Variants in PCDHA8 observed in about 807,000 individuals in gnomAD.
PCDHA8 encodes protocadherin alpha 8.
Under a neutral mutation model 61.8 loss-of-function variants are expected in PCDHA8, and 53 were observed. The observed-to-expected ratio is 0.86, with a 90% CI of 0.69 to 1.08. The LOEUF is 1.08. PCDHA8 is among the 50% of genes least tolerant of loss of function. The probability of loss-of-function intolerance (pLI) is 0.00; values close to 1 mark genes in which losing one functional copy is unlikely to be tolerated. For missense variants in PCDHA8, 1,293 were observed against 1,245.0 expected, an observed-to-expected ratio of 1.04 and a Z score of -0.58; for synonymous variants, 618 against 556.6, an observed-to-expected ratio of 1.11 and a Z score of -1.55.
intron 1 of PCDHA8, chr5:140,966,397 G>C (rs782390663): frequency 4.5e-5 from 18 of 404,120 alleles, no homozygotes; most frequent in Admixed American, 2.2e-4. Flanking sequence ...CCGCCACTTC[G>C]GCGCGGAATC....
chr5:140,944,191 G>C (rs181232402), intron 1 of PCDHA8, among the ~76,000 whole-genome samples: 1 of 151,980 alleles, frequency 6.6e-6, no homozygotes, highest in East Asian at 1.9e-4. Context: ...GGTTTGTTTT[G>C]TTTTGTTTTG....
At chr5:140,918,510 A>G (rs1224635164) in intron 1 of PCDHA8, among the ~76,000 whole-genome samples, 1 of 152,144 alleles carries the variant, frequency 6.6e-6, no homozygotes, top group Non-Finnish European at 1.5e-5. Flanking sequence ...ATCCTTTTAA[A>G]CTTATTGAGG....
At chr5:140,883,773 G>C (rs1362933627) in intron 1 of PCDHA8, 11 of 1,612,372 alleles carry the variant, frequency 6.8e-6, no homozygotes, top group Non-Finnish European at 9.3e-6. Context: ...GTGGGCGAGC[G>C]TGCGCTGTCG....
rs1032326497 is a variant in PCDHA8, at chr5:140,858,875, C to A, written c.2394+15160C>A. ...TATCTCTTCAGTGAAAATGTGTTTT[C>A]CTCCATGTGTAGAATATGTGTAGCG... On this transcript the variant is annotated intron_variant, in intron 1 of 3. Transcript: ENST00000531613. 1.2e-5 allele frequency: 3 copies of A among 246,542 alleles called. No homozygotes were observed. The East Asian group carries it at 3.3e-4, about 27-fold the overall frequency. 15.3% of individuals were successfully genotyped at this position (246,542 alleles called of 1,614,324 possible).
intron 1 of PCDHA8, among the ~76,000 whole-genome samples, chr5:140,948,548 A>G (rs1300192349): frequency 6.6e-6 from 1 of 151,532 alleles, no homozygotes; most frequent in Non-Finnish European, 1.5e-5. Flanking sequence ...TGCTCTGTCA[A>G]TTTTGTTAAG....
intron 1 of PCDHA8, chr5:140,870,171 C>T: frequency 6.2e-7 from 1 of 1,614,140 alleles, no homozygotes; most frequent in East Asian, 2.2e-5. Context: ...CCTTGTCCCT[C>T]CCAGTACGAG....
At chr5:140,876,343 T>A (rs1196276310) in intron 1 of PCDHA8, 2 of 1,613,854 alleles carry the variant, frequency 1.2e-6, no homozygotes, top group African/African-American at 2.7e-5. Flanking sequence ...GAGTGAGAAA[T>A]GTATGTTTTC....
At chr5:140,898,233 C>T (rs2066607638) in intron 1 of PCDHA8, among the ~76,000 whole-genome samples, 1 of 152,126 alleles carries the variant, frequency 6.6e-6, no homozygotes, top group African/African-American at 2.4e-5. Flanking sequence ...GTTGCCATTG[C>T]TTTTGGTGTT....
At chr5:140,909,472 G>A (rs2074524054) in intron 1 of PCDHA8, among the ~76,000 whole-genome samples, 1 of 152,168 alleles carries the variant, frequency 6.6e-6, no homozygotes, top group South Asian at 2.1e-4. Context: ...CTTCTTCACA[G>A]GCTAAATAGG....
chr5:140,864,844 C>T (rs894176807), intron 1 of PCDHA8: 3 of 152,100 alleles, frequency 2.0e-5, no homozygotes, highest in Admixed American at 2.0e-4. Context: ...AGAGAGTCTT[C>T]CCATACATGA....
At chr5:140,884,688 C>T in intron 1 of PCDHA8, 1 of 1,535,868 alleles carries the variant, frequency 6.5e-7, no homozygotes, top group Non-Finnish European at 8.8e-7. Context: ...AAAAAATTGT[C>T]TTAGTAAACA....
intron 1 of PCDHA8, chr5:140,859,682 A>G (rs2045965984): frequency 6.5e-6 from 1 of 154,852 alleles, no homozygotes; most frequent in Admixed American, 6.4e-5. Context: ...AAATAAAATT[A>G]AAATTATTGT....
chr5:140,995,529 C>G (rs1191657600), intron 3 of PCDHA8, among the ~76,000 whole-genome samples: 1 of 152,078 alleles, frequency 6.6e-6, no homozygotes, highest in East Asian at 1.9e-4. Flanking sequence ...GAAATCAAAC[C>G]TCAAATAAGG....
At chr5:140,902,176 C>T (rs1488205989) in intron 1 of PCDHA8, among the ~76,000 whole-genome samples, 1 of 146,420 alleles carries the variant, frequency 6.8e-6, no homozygotes, top group Non-Finnish European at 1.5e-5. Context: ...TTTGGATGTC[C>T]TTTATGTCTT....
In PCDHA8 at chr5:141,010,220, C is replaced by T. The variant is rs114341618; in HGVS notation, c.*283C>T. ...CTCCTCCGCCGCAAAGGAGAGGCTT[C>T]CCAGCCCCGCCAGTGAGAGGTTGGA... On this transcript the variant is annotated 3_prime_UTR_variant, in exon 4 of 4. Coordinates refer to ENST00000531613, the MANE Select transcript of PCDHA8 (RefSeq NM_018911.3). 2,711 of 1,551,728 alleles carry T rather than the reference C, an allele frequency of 1.7e-3. 46 individuals are homozygous for T. The African/African-American group carries it at 0.034, about 19-fold the overall frequency.
In PCDHA8 at chr5:141,012,118, T is replaced by C. The variant is rs2098422988; in HGVS notation, c.*2181T>C. 6.5e-6 allele frequency: 1 copy of C among 153,768 alleles called. No individual in the cohort carries two copies. The highest frequency in any genetic ancestry group is 2.4e-5 in the African/African-American group (1 of 41,458). The allele number at this position is 153,768 out of a possible 1,614,324, so 9.5% of individuals were successfully genotyped here. A position where few individuals can be genotyped will look rare whatever the true frequency, so the allele number is the denominator to read the frequency against. On this transcript the variant is annotated 3_prime_UTR_variant, in exon 4 of 4. Coordinates refer to ENST00000531613, the MANE Select transcript of PCDHA8 (RefSeq NM_018911.3). ...TCATTTTGCCCCACTGAAGCCCATG[T>C]ATCTGACCTTACGTGCCTTTTGAAC...
At chr5:140,850,216 A>G (rs1390676090) in intron 1 of PCDHA8, 5 of 1,593,446 alleles carry the variant, frequency 3.1e-6, no homozygotes, top group Non-Finnish European at 4.3e-6. Flanking sequence ...AGGGGCACTG[A>G]CGGCGCAGTG....
chr5:140,924,714 G>C (rs2081964744), intron 1 of PCDHA8, among the ~76,000 whole-genome samples: 1 of 151,860 alleles, frequency 6.6e-6, no homozygotes, highest in African/African-American at 2.4e-5. Context: ...GTGCAACATG[G>C]CGAAACCTCA....
At chr5:141,001,957 G>A in intron 3 of PCDHA8, among the ~76,000 whole-genome samples, 1 of 152,294 alleles carries the variant, frequency 6.6e-6, no homozygotes, top group African/African-American at 2.4e-5. Flanking sequence ...AGGAGGGAGA[G>A]GCGGGGTGTC....
Sources: gnomAD v4.1 joint callset for allele counts (sites outside exome capture counted in the v4.1 genomes callset) on GRCh38, gnomAD v4.1.1 for gene constraint, MANE v1.5 for transcripts, NCBI Gene and HGNC (gene_info 2026-07-23, HGNC 2026-07-21) for gene names.